TIMMDC1: variants seen among roughly 807,000 people sequenced by gnomAD.
TIMMDC1 encodes the protein complex I assembly factor TIMMDC1, mitochondrial.
Under a neutral mutation model 32.6 loss-of-function variants are expected in TIMMDC1, and 25 were observed. That is an observed-to-expected ratio of 0.77 (90% confidence interval 0.56 to 1.07). TIMMDC1 has a LOEUF of 1.07. TIMMDC1 is among the 50% of genes least tolerant of loss of function. TIMMDC1 has a pLI of 0.00. For synonymous variants in TIMMDC1, 130 were observed against 127.6 expected (o/e 1.02, Z -0.13); for missense variants, 329 against 349.2 (o/e 0.94, Z 0.46).
At chr3:119,515,488 A>G (rs1330242619) in intron 5 of TIMMDC1, among the ~76,000 whole-genome samples, 1 of 152,194 alleles carries the variant, frequency 6.6e-6, no homozygotes, top group African/African-American at 2.4e-5. Flanking sequence ...TCATTATCTC[A>G]GATTCAACTA....
Position 119,506,753 on chromosome 3 carries a change from CT to C in TIMMDC1, c.517+2733del, listed in dbSNP as rs201706585. 8.2e-3 allele frequency among the ~76,000 whole-genome samples: 1,254 copies of C among 152,190 alleles called. 22 individuals are homozygous for C. The highest frequency in any genetic ancestry group is 0.028 in the African/African-American group (1,168 of 41,522). On this transcript the variant is annotated intron_variant, in intron 4 of 6. Coordinates refer to ENST00000494664, the MANE Select transcript of TIMMDC1 (RefSeq NM_016589.4). ...TGCCACTTTTCTGTTTGAAATTCTT[CT>C]ATAGTTTCCTGTCACTTTAATGTCA...
intron 4 of TIMMDC1, among the ~76,000 whole-genome samples, chr3:119,513,170 C>G (rs1404379909): frequency 6.6e-6 from 1 of 152,224 alleles, no homozygotes; most frequent in Non-Finnish European, 1.5e-5. Flanking sequence ...TTTCTGTGCA[C>G]TGGTCACCAG....
intron 6 of TIMMDC1, among the ~76,000 whole-genome samples, chr3:119,522,796 A>G: frequency 7.2e-6 from 1 of 138,556 alleles, no homozygotes; most frequent in South Asian, 2.3e-4. Context: ...ATATACACGT[A>G]TGGGTGTTTG....
At chr3:119,510,091 A>G (rs952999920) in intron 4 of TIMMDC1, among the ~76,000 whole-genome samples, 4 of 152,188 alleles carry the variant, frequency 2.6e-5, no homozygotes, top group African/African-American at 7.2e-5. Context: ...ACAGAAGGGG[A>G]AAAAGGCAGT....
intron 5 of TIMMDC1, among the ~76,000 whole-genome samples, chr3:119,515,647 A>G (rs937026854): frequency 1.3e-5 from 2 of 152,226 alleles, no homozygotes; most frequent in Non-Finnish European, 2.9e-5. Context: ...TTAAGGTGTT[A>G]TCTGTTCAGT....
chr3:119,523,997 T>C lies in TIMMDC1; in HGVS notation c.*241T>C, dbSNP rs1017466814. ...TTATGTTTGTATTAATCTATCAATA[T>C]ATGCATACATGAATATATCCACCCA... On this transcript the variant is annotated 3_prime_UTR_variant, in exon 7 of 7. Coordinates refer to ENST00000494664, the MANE Select transcript of TIMMDC1 (RefSeq NM_016589.4). The C allele has an allele frequency of 1.8e-5, 6 of 327,762 alleles. No individual in the cohort carries two copies. The highest frequency in any genetic ancestry group is 3.3e-5 in the Non-Finnish European group (6 of 180,692). The allele number at this position is 327,762 out of a possible 1,614,324, so 20.3% of individuals were successfully genotyped here.
In TIMMDC1 at chr3:119,500,860, G is replaced by A. The variant is rs781493901; in HGVS notation, c.360G>A (p.Val120=). 1.2e-6 allele frequency: 2 copies of A among 1,610,972 alleles called. No homozygotes were observed. Among genetic ancestry groups the A allele is most frequent in the South Asian group, 2.2e-5 (2 of 90,290 alleles). ...AEIYHNRFDA[V]QSAHRAATRG... ...TTTATCATAACCGGTTTGATGCTGT[G>A]GTATGTACTGGTGATCTAAAGAAAT... Residue 120 remains valine (V), a splice_region_variant and synonymous_variant, in exon 2 of 7, where the codon GTG becomes GTA. Transcript: ENST00000494664.
Position 119,500,703 on chromosome 3 carries a change from A to G in TIMMDC1, c.203A>G (p.Gln68Arg). ...TCTTTTTGATGTTGTAGTGAACAGCAGAGAATTTCAAAGGACCTTGCTAAT... is the reference window on the plus strand; with the variant it reads ...TCTTTTTGATGTTGTAGTGAACAGCGGAGAATTTCAAAGGACCTTGCTAAT... ...LRELFGKDEQQRISKDLANIC... is the reference protein window; with the variant it reads ...LRELFGKDEQRRISKDLANIC... Residue 68 changes from glutamine (Q) to arginine (R), a missense_variant, in exon 2 of 7, where the codon CAG becomes CGG. Physicochemically the swap from Gln to Arg is conservative, Grantham distance 43 (BLOSUM62 1). Coordinates refer to ENST00000494664, the MANE Select transcript of TIMMDC1 (RefSeq NM_016589.4). The G allele has an allele frequency of 6.2e-7, 1 of 1,613,242 alleles. No individual in the cohort carries two copies. Among genetic ancestry groups the G allele is most frequent in the Admixed American group, 1.7e-5 (1 of 59,840 alleles).
intron 1 of TIMMDC1, 115 bp from the exon 2 acceptor site, chr3:119,500,580 C>G: frequency 1.1e-6 from 1 of 885,778 alleles, no homozygotes. Context: ...GAGAATTCTA[C>G]CTATGATGAA....
chr3:119,505,876 T>C (rs1270132776), intron 4 of TIMMDC1, among the ~76,000 whole-genome samples: 1 of 152,232 alleles, frequency 6.6e-6, no homozygotes, highest in Non-Finnish European at 1.5e-5. Context: ...TGTGTATATG[T>C]GTACACACAT....
At chr3:119,502,278 G>A (rs1330873500) in intron 2 of TIMMDC1, among the ~76,000 whole-genome samples, 5 of 151,916 alleles carry the variant, frequency 3.3e-5, no homozygotes, top group Admixed American at 2.6e-4. Context: ...TGCCCAGGCT[G>A]GAGTACAGTG....
intron 4 of TIMMDC1, among the ~76,000 whole-genome samples, chr3:119,506,803 C>T (rs2081921548): frequency 6.6e-6 from 1 of 152,170 alleles, no homozygotes; most frequent in Admixed American, 6.5e-5. Flanking sequence ...CTTCCATGCG[C>T]CACTCTTTTG....
rs11916272 is a variant in TIMMDC1 at position 119,524,083 on chromosome 3, C to T, written c.*327C>T. ...AAGATTAAAGTTGAATTTTACAGTT[C>T]GTATATTCATGTGGTCCTTTGAAAG... is the stretch of plus-strand genomic sequence containing the variant. On this transcript the variant is annotated 3_prime_UTR_variant, in exon 7 of 7. Transcript: ENST00000494664. The T allele has an allele frequency of 0.14, 24,104 of 173,416 alleles. 4,624 individuals are homozygous for T. The highest frequency in any genetic ancestry group is 0.46 in the African/African-American group (19,319 of 42,184). The allele number at this position is 173,416 out of a possible 1,614,324, so 10.7% of individuals were successfully genotyped here.
At chr3:119,515,567 A>G (rs2081980771) in intron 5 of TIMMDC1, among the ~76,000 whole-genome samples, 1 of 152,228 alleles carries the variant, frequency 6.6e-6, no homozygotes, top group Non-Finnish European at 1.5e-5. Flanking sequence ...TGGGCATAAT[A>G]TATTCACAGT....
chr3:119,522,453 A>G (rs2082033377), intron 6 of TIMMDC1, among the ~76,000 whole-genome samples: 2 of 152,186 alleles, frequency 1.3e-5, no homozygotes, highest in Admixed American at 1.3e-4. Flanking sequence ...ATTAATGAAT[A>G]CAAAATTATA....
At chr3:119,499,621 C>T (rs866967984) in intron 1 of TIMMDC1, among the ~76,000 whole-genome samples, 2 of 150,766 alleles carry the variant, frequency 1.3e-5, no homozygotes, top group African/African-American at 4.9e-5. Flanking sequence ...TTTCACCATT[C>T]GCCAGGCTGG....
intron 4 of TIMMDC1, among the ~76,000 whole-genome samples, chr3:119,511,795 C>G (rs1475175834): frequency 1.3e-5 from 2 of 152,152 alleles, no homozygotes; most frequent in Non-Finnish European, 2.9e-5. Flanking sequence ...CCACAAATAA[C>G]TTGTAAACCT....
intron 4 of TIMMDC1, among the ~76,000 whole-genome samples, chr3:119,505,419 A>G (rs1322237637): frequency 1.3e-5 from 2 of 151,750 alleles, no homozygotes; most frequent in Admixed American, 1.3e-4. Context: ...GCTGGAGTAC[A>G]ATGGCGCGAT....
chr3:119,520,189 A>T (rs570338177), intron 6 of TIMMDC1, among the ~76,000 whole-genome samples: 2 of 152,274 alleles, frequency 1.3e-5, no homozygotes, highest in South Asian at 4.1e-4. Context: ...CTAACACTGC[A>T]CCTCAGGGAA....
Sources: gnomAD v4.1 joint callset for allele counts (sites outside exome capture counted in the v4.1 genomes callset) on GRCh38, gnomAD v4.1.1 for gene constraint, MANE v1.5 for transcripts, NCBI Gene and HGNC (gene_info 2026-07-23, HGNC 2026-07-21) for gene names.